Variants in MDGA2 observed in about 807,000 individuals in gnomAD.
MDGA2 encodes the protein MAM domain containing glycosylphosphatidylinositol anchor 2, also known as MAM domain-containing glycosylphosphatidylinositol anchor protein 2.
In MDGA2, 40 loss-of-function variants were observed where a neutral mutation model predicts 117.8. That is an observed-to-expected ratio of 0.34 (90% CI 0.26 to 0.44). The LOEUF (loss-of-function observed/expected upper bound fraction) is 0.44, where lower values mean the gene tolerates loss of function less well. Ranked by LOEUF, MDGA2 falls within the 20% of genes least tolerant of loss-of-function variation. MDGA2 has a pLI of 1.00. For missense variants in MDGA2, 1,123 were observed against 1,250.6 expected, an observed-to-expected ratio of 0.90 and a Z score of 1.54; for synonymous variants, 452 against 439.0, an observed-to-expected ratio of 1.03 and a Z score of -0.37.
At chr14:47,091,848 C>T (rs1321536603) in intron 6 of MDGA2, among the ~76,000 whole-genome samples, 2 of 152,058 alleles carry the variant, frequency 1.3e-5, no homozygotes, top group African/African-American at 2.4e-5. Context: ...TCCATAGTAA[C>T]CTTAGCAGCC....
chr14:47,384,300 G>A (rs2138424185), intron 1 of MDGA2, among the ~76,000 whole-genome samples: 1 of 150,376 alleles, frequency 6.6e-6, no homozygotes, highest in South Asian at 2.1e-4. Context: ...AGCCACATGA[G>A]GGGATCTAGT....
At chr14:47,316,071 T>C (rs903982595) in intron 1 of MDGA2, among the ~76,000 whole-genome samples, 3 of 152,120 alleles carry the variant, frequency 2.0e-5, no homozygotes, top group Admixed American at 2.0e-4. Context: ...AATGCTAGCA[T>C]AATCTAAGGT....
chr14:47,415,256 C>A (rs996897156), intron 1 of MDGA2, among the ~76,000 whole-genome samples: 1 of 152,092 alleles, frequency 6.6e-6, no homozygotes, highest in Non-Finnish European at 1.5e-5. Flanking sequence ...ACTCAGCAAC[C>A]TATCTTTGCC....
At chr14:47,650,315 T>C (rs1442897793) in intron 1 of MDGA2, among the ~76,000 whole-genome samples, 1 of 152,158 alleles carries the variant, frequency 6.6e-6, no homozygotes, top group Non-Finnish European at 1.5e-5. Context: ...GCCCCCATAA[T>C]CATGTGAGCC....
intron 2 of MDGA2, among the ~76,000 whole-genome samples, chr14:47,295,128 T>A (rs772566500): frequency 1.1e-4 from 17 of 152,158 alleles, no homozygotes; most frequent in Non-Finnish European, 2.1e-4. Context: ...CAAAAATATT[T>A]TAGTGATGAA....
rs182995225 is a variant in MDGA2 at position 47,170,991 on chromosome 14, G to A, written c.596-26717C>T. 9.2e-5 allele frequency among the ~76,000 whole-genome samples: 14 copies of A among 152,150 alleles called. 1 individual carries two copies. The East Asian group carries it at 2.7e-3, about 29-fold the overall frequency. ...ACTTAAATTGAAATATCAAAAGATG[G>A]GATGTCTGACACATTAGATATTGGC... is the stretch of plus-strand genomic sequence containing the variant. On this transcript the variant is annotated intron_variant, in intron 3 of 16. Transcript: ENST00000399232.
At chr14:47,512,189 A>G (rs1179849151) in intron 1 of MDGA2, among the ~76,000 whole-genome samples, 1 of 152,190 alleles carries the variant, frequency 6.6e-6, no homozygotes, top group Non-Finnish European at 1.5e-5. Context: ...GCATATGTGG[A>G]CACATAAACA....
At chr14:47,195,208 G>A (rs901770572) in intron 3 of MDGA2, among the ~76,000 whole-genome samples, 7 of 151,798 alleles carry the variant, frequency 4.6e-5, no homozygotes, top group African/African-American at 1.7e-4. Flanking sequence ...TTCAATGATT[G>A]TATTTTGTTT....
chr14:47,663,589 A>G (rs1413914566), intron 1 of MDGA2, among the ~76,000 whole-genome samples: 1 of 152,220 alleles, frequency 6.6e-6, no homozygotes, highest in Non-Finnish European at 1.5e-5. Context: ...GTTACAGTTT[A>G]ATGGTGAGCA....
rs148578704 is a variant in MDGA2 at position 46,970,756 on chromosome 14, C to T, written c.1820-13113G>A. 5.3e-5 allele frequency among the ~76,000 whole-genome samples: 8 copies of T among 152,172 alleles called. 1 individual carries two copies. Among genetic ancestry groups the T allele is most frequent in the Non-Finnish European group, 7.4e-5 (5 of 67,980 alleles). ...GGGAAACAACAGAATGAACTGACAA[C>T]CTGCTGAATGGGATAAAATATTTTC... On this transcript the variant is annotated intron_variant, in intron 8 of 16. Coordinates refer to ENST00000399232, the MANE Select transcript of MDGA2 (RefSeq NM_001113498.3).
intron 1 of MDGA2, among the ~76,000 whole-genome samples, chr14:47,597,196 TA>T (rs1217412584): frequency 1.3e-5 from 2 of 152,124 alleles, no homozygotes; most frequent in Non-Finnish European, 2.9e-5. Context: ...GTAATCGGTT[TA>T]AAAAATCTAA....
At chr14:47,543,014 T>A (rs558885427) in intron 1 of MDGA2, among the ~76,000 whole-genome samples, 112 of 152,212 alleles carry the variant, frequency 7.4e-4, no homozygotes, top group Non-Finnish European at 1.4e-3. Context: ...CTTTGAGACC[T>A]TCCTGAGAAA....
At chr14:47,027,632 T>TAC (rs1472066418) in intron 8 of MDGA2, among the ~76,000 whole-genome samples, 4 of 149,064 alleles carry the variant, frequency 2.7e-5, no homozygotes, top group Admixed American at 1.3e-4. Context: ...ATATATTATA[T>TAC]ATATATATAT....
At chr14:47,562,979 C>T (rs544447977) in intron 1 of MDGA2, among the ~76,000 whole-genome samples, 3 of 152,038 alleles carry the variant, frequency 2.0e-5, no homozygotes, top group Non-Finnish European at 4.4e-5. Context: ...CTGCCTTAAT[C>T]TCATTATTTA....
At chr14:47,076,971 C>A (rs1249785545) in intron 6 of MDGA2, among the ~76,000 whole-genome samples, 1 of 151,978 alleles carries the variant, frequency 6.6e-6, no homozygotes, top group Non-Finnish European at 1.5e-5. Flanking sequence ...ATAAGATAAT[C>A]ATTTCTCATT....
At chr14:47,306,364 C>T (rs1594785316) in intron 1 of MDGA2, among the ~76,000 whole-genome samples, 1 of 152,270 alleles carries the variant, frequency 6.6e-6, no homozygotes, top group East Asian at 1.9e-4. Flanking sequence ...ATGAGGGGCC[C>T]TAAGCCCAAT....
chr14:47,467,562 T>A (rs990041595), intron 1 of MDGA2, among the ~76,000 whole-genome samples: 2 of 152,044 alleles, frequency 1.3e-5, no homozygotes, highest in African/African-American at 4.8e-5. Flanking sequence ...CAGAAGTAGA[T>A]AAAGAGACAG....
At chr14:47,634,202 G>C (rs1280511056) in intron 1 of MDGA2, among the ~76,000 whole-genome samples, 1 of 151,802 alleles carries the variant, frequency 6.6e-6, no homozygotes, top group Non-Finnish European at 1.5e-5. Flanking sequence ...AAAATAGAGG[G>C]GAAAAACTAA....
intron 5 of MDGA2, among the ~76,000 whole-genome samples, chr14:47,128,787 T>C (rs1315053919): frequency 2.0e-5 from 3 of 151,240 alleles, no homozygotes; most frequent in Admixed American, 6.6e-5. Context: ...CTCCACCTCC[T>C]GAGTTCACGC....
Sources: gnomAD v4.1 joint callset for allele counts (sites outside exome capture counted in the v4.1 genomes callset) on GRCh38, gnomAD v4.1.1 for gene constraint, MANE v1.5 for transcripts, NCBI Gene and HGNC (gene_info 2026-07-23, HGNC 2026-07-21) for gene names.